The following EDF1 variants were observed in gnomAD, a reference collection of about 807,000 sequenced individuals.
EDF1 encodes the protein endothelial differentiation-related factor 1.
In EDF1, 5 loss-of-function variants were observed where a neutral mutation model predicts 20.8. The ratio of observed to expected loss-of-function variants is 0.24; its 90% CI spans 0.13 to 0.51. EDF1 has a LOEUF of 0.51. Ranked by LOEUF, EDF1 falls within the 20% of genes least tolerant of loss-of-function variation. The pLI, the probability that EDF1 is intolerant of heterozygous loss-of-function variation, is 0.97. For missense variants in EDF1, 137 were observed against 197.8 expected (o/e 0.69, Z 1.84); for synonymous variants, 96 against 78.5 (o/e 1.22, Z -1.18).
chr9:136,866,272 G>A lies in EDF1; in HGVS notation c.-14C>T, dbSNP rs370306947. ...GCTCTCGGCCATGGCGGGCGAAGAC[G>A]AGCGTCCGTCCGGCGGCTCAGCGGC... is the stretch of plus-strand genomic sequence containing the variant. On this transcript the variant is annotated 5_prime_UTR_variant, in exon 1 of 5. Coordinates refer to ENST00000224073, the MANE Select transcript of EDF1 (RefSeq NM_003792.4). The A allele has an allele frequency of 2.6e-5, 41 of 1,593,428 alleles. No individual in the cohort carries two copies. The highest frequency in any genetic ancestry group is 3.2e-5 in the Non-Finnish European group (38 of 1,173,634).
intron 1 of EDF1, among the ~76,000 whole-genome samples, chr9:136,865,708 C>G (rs1482502025): frequency 6.6e-6 from 1 of 151,542 alleles, no homozygotes; most frequent in Non-Finnish European, 1.5e-5. Flanking sequence ...GTTCCCAGTG[C>G]CCACCCTGGT....
Position 136,862,291 on chromosome 9 carries a change from G to A in EDF1, c.440C>T (p.Ala147Val), listed in dbSNP as rs746827500. Residue 147 changes from alanine to valine, a missense_variant, in exon 5 of 5, where the codon GCG becomes GTG. By Grantham distance (64) the Ala-to-Val change is moderately conservative. Coordinates refer to ENST00000224073, the MANE Select transcript of EDF1 (RefSeq NM_003792.4). The surrounding 1 kb of genome is among the most constrained non-coding windows in gnomAD (Gnocchi z 4.1). ...IGKPIEKGPR[A>V]K ...GATTTCGAGGCTTTGTGTTCATTTC[G>A]CCCTAGGCCCCTTCTCGATGGGCTT... is the stretch of plus-strand genomic sequence containing the variant. 45 of 1,613,746 alleles carry A rather than the reference G, an allele frequency of 2.8e-5. No homozygotes were observed. The highest frequency in any genetic ancestry group is 3.6e-5 in the Non-Finnish European group (43 of 1,179,986).
In EDF1 at chr9:136,862,119, C is replaced by T. The variant is rs557937527; in HGVS notation, c.*165G>A. 8 of 875,022 alleles carry T rather than the reference C, an allele frequency of 9.1e-6. No individual in the cohort carries two copies. Among genetic ancestry groups the T allele is most frequent in the Non-Finnish European group, 1.3e-5 (7 of 542,110 alleles). The allele number at this position is 875,022 out of a possible 1,614,324, so 54.2% of individuals were successfully genotyped here. A position where few individuals can be genotyped will look rare whatever the true frequency, so the allele number is the denominator to read the frequency against. On this transcript the variant is annotated 3_prime_UTR_variant, in exon 5 of 5. Transcript: ENST00000224073. The surrounding 1 kb of genome is among the most constrained non-coding windows in gnomAD (Gnocchi z 4.1). The stretch of plus-strand genomic sequence containing the variant: ...GAGAAAAACAGCCAGCAGAACCCAG[C>T]GCTTTGCAAGGTTTTGTTTGTTTGA...
chr9:136,865,893 T>C (rs1282790812), intron 1 of EDF1, among the ~76,000 whole-genome samples: 1 of 116,628 alleles, frequency 8.6e-6, no homozygotes, highest in South Asian at 3.0e-4. Flanking sequence ...TCCGGTTCCC[T>C]GCTCCTCTCC....
At chr9:136,866,071 C>A (rs1337187789) in intron 1 of EDF1, 110 bp downstream of exon 1, 9 of 1,148,158 alleles carry the variant, frequency 7.8e-6, no homozygotes, top group Non-Finnish European at 1.1e-5. Flanking sequence ...GTCCCCTGCG[C>A]CCTGTCCCAG....
At chr9:136,865,075 C>T (rs961474630) in intron 1 of EDF1, among the ~76,000 whole-genome samples, 2 of 152,142 alleles carry the variant, frequency 1.3e-5, no homozygotes, top group Admixed American at 6.5e-5. Context: ...TTTGACTGTG[C>T]AACCAGTAAG....
rs1172850211 is a variant in EDF1 at position 136,862,330 on chromosome 9, C to T, written c.401G>A (p.Gly134Glu). ...CTCGATGGGCTTTCCAATGTCCTTTCCCCGGAGCTTGAGGCCTGAAATGAG... is the reference window on the plus strand; with the variant it reads ...CTCGATGGGCTTTCCAATGTCCTTTTCCCGGAGCTTGAGGCCTGAAATGAG... ...IERAIGLKLR[G>E]KDIGKPIEKG... Residue 134 changes from glycine to glutamate, a missense_variant, in exon 5 of 5, where the codon GGA (glycine) becomes GAA (glutamate). Coordinates refer to ENST00000224073, the MANE Select transcript of EDF1 (RefSeq NM_003792.4). This position sits in a 1 kb window ranked among gnomAD's most constrained non-coding sequence, Gnocchi z 4.1. 2.5e-6 allele frequency: 4 copies of T among 1,614,040 alleles called. No homozygotes were observed. In the South Asian group the frequency reaches 3.3e-5, roughly 13 times the overall value.
intron 1 of EDF1, among the ~76,000 whole-genome samples, chr9:136,864,786 G>T (rs1028771301): frequency 6.6e-6 from 1 of 152,078 alleles, no homozygotes; most frequent in East Asian, 1.9e-4. Context: ...ACCGTGCCTG[G>T]CTAATTTTTT....
chr9:136,863,698 A>G lies in EDF1; in HGVS notation c.130+122T>C. ...ATGGCTGCCTCCCAGGGCTCCGGCC[A>G]GCACCGGTGCAGGCAGGCACTCAGC... On this transcript the variant is annotated intron_variant, in intron 2 of 4. Coordinates refer to ENST00000224073, the MANE Select transcript of EDF1 (RefSeq NM_003792.4). This position sits in a 1 kb window ranked among gnomAD's most constrained non-coding sequence, Gnocchi z 4.5. The G allele has an allele frequency of 7.8e-7, 1 of 1,284,460 alleles. No homozygotes were observed. Among genetic ancestry groups the G allele is most frequent in the Non-Finnish European group, 1.1e-6 (1 of 902,790 alleles). The allele number at this position is 1,284,460 out of a possible 1,614,324, so 79.6% of individuals were successfully genotyped here.
rs111382631 is a variant in EDF1, at chr9:136,862,433, G to A, written c.386-88C>T. On this transcript the variant is annotated intron_variant, in intron 4 of 4. Transcript: ENST00000224073. The surrounding 1 kb of genome is among the most constrained non-coding windows in gnomAD (Gnocchi z 4.1). ...CCTCTTCAACATCTTCCCAGGGAAGGGGGGCCACGCCGCTCCCGTGCCTCA... is the reference window on the plus strand; with the variant it reads ...CCTCTTCAACATCTTCCCAGGGAAGAGGGGCCACGCCGCTCCCGTGCCTCA... 6.1e-5 allele frequency: 99 copies of A among 1,613,710 alleles called. No homozygotes were observed. The African/African-American group carries it at 1.1e-3, about 18-fold the overall frequency.
rs997497025 is a variant in EDF1 at position 136,863,212 on chromosome 9, C to A, written c.291+76G>T. The A allele has an allele frequency of 1.9e-6, 3 of 1,565,646 alleles. No individual in the cohort carries two copies. Among genetic ancestry groups the A allele is most frequent in the Admixed American group, 1.7e-5 (1 of 58,206 alleles). On this transcript the variant is annotated intron_variant, in intron 3 of 4. Transcript: ENST00000224073. The surrounding 1 kb of genome is among the most constrained non-coding windows in gnomAD (Gnocchi z 4.5). The stretch of plus-strand genomic sequence containing the variant: ...ACCAGGGGGGTGGAGCCCACCCTCC[C>A]CGTGCTATCTGAACACCGGCCATCC...
chr9:136,865,086 G>C (rs1011786801), intron 1 of EDF1, among the ~76,000 whole-genome samples: 1 of 152,162 alleles, frequency 6.6e-6, no homozygotes, highest in Admixed American at 6.5e-5. Flanking sequence ...AACCAGTAAG[G>C]GTAGGGCAGA....
At chr9:136,864,424 G>C (rs1849174705) in intron 1 of EDF1, among the ~76,000 whole-genome samples, 1 of 151,814 alleles carries the variant, frequency 6.6e-6, no homozygotes, top group Non-Finnish European at 1.5e-5. Flanking sequence ...ATTTAGCACA[G>C]ATTTACTTTT....
rs1849142148 is a variant in EDF1 at position 136,863,144 on chromosome 9, G to C, written c.291+144C>G. 6.6e-7 allele frequency: 1 copy of C among 1,509,976 alleles called. No homozygotes were observed. Among genetic ancestry groups the C allele is most frequent in the South Asian group, 1.2e-5 (1 of 83,736 alleles). The allele number at this position is 1,509,976 out of a possible 1,614,324, so 93.5% of individuals were successfully genotyped here. On this transcript the variant is annotated intron_variant, in intron 3 of 4. Transcript: ENST00000224073. The surrounding 1 kb of genome is among the most constrained non-coding windows in gnomAD (Gnocchi z 4.5). ...CTGGGTTTTGTGCGAGAGGCAGTGA[G>C]AGCCGGGCTGACCTGGCTTCCCGAG...
At position 136,863,132 on chromosome 9, in the gene EDF1, G is replaced by A. The variant is rs920489315; in HGVS notation, c.292-133C>T. 4.2e-5 allele frequency: 63 copies of A among 1,499,412 alleles called. No individual in the cohort carries two copies. Among genetic ancestry groups the A allele is most frequent in the East Asian group, 4.6e-5 (2 of 43,854 alleles). The allele number at this position is 1,499,412 out of a possible 1,614,324, so 92.9% of individuals were successfully genotyped here. A position where few individuals can be genotyped will look rare whatever the true frequency, so the allele number is the denominator to read the frequency against. ...ACCCACACGCAGCTGGGTTTTGTGC[G>A]AGAGGCAGTGAGAGCCGGGCTGACC... On this transcript the variant is annotated intron_variant, in intron 3 of 4. Transcript: ENST00000224073. This position sits in a 1 kb window ranked among gnomAD's most constrained non-coding sequence, Gnocchi z 4.5.
At chr9:136,864,974 C>A (rs1191146521) in intron 1 of EDF1, among the ~76,000 whole-genome samples, 2 of 152,220 alleles carry the variant, frequency 1.3e-5, no homozygotes, top group African/African-American at 4.8e-5. Context: ...TAAGTGTGAT[C>A]TGCTCACAGA....
At position 136,862,131 on chromosome 9, in the gene EDF1, T is replaced by C. The variant is rs1264643166; in HGVS notation, c.*153A>G. Reference sequence around the variant, plus strand: ...CAGCAGAACCCAGCGCTTTGCAAGGTTTTGTTTGTTTGACAGCAGGAATGG... The same window carrying C: ...CAGCAGAACCCAGCGCTTTGCAAGGCTTTGTTTGTTTGACAGCAGGAATGG... On this transcript the variant is annotated 3_prime_UTR_variant, in exon 5 of 5. Coordinates refer to ENST00000224073, the MANE Select transcript of EDF1 (RefSeq NM_003792.4). The surrounding 1 kb of genome is among the most constrained non-coding windows in gnomAD (Gnocchi z 4.1). The C allele has an allele frequency of 3.1e-6, 3 of 979,596 alleles. No homozygotes were observed. Among genetic ancestry groups the C allele is most frequent in the Non-Finnish European group, 3.2e-6 (2 of 632,762 alleles). The allele number at this position is 979,596 out of a possible 1,614,324, so 60.7% of individuals were successfully genotyped here.
rs1031203657 is a variant in EDF1 at position 136,862,937 on chromosome 9, G to A, written c.354C>T (p.Asn118=). The stretch of plus-strand genomic sequence containing the variant: ...CCCGCTCGATTTTGCCAAGCACCTG[G>A]TTATTGGGTATGGCCCGTCCGCTCT... The part of the protein sequence containing the change: ...DYESGRAIPN[N]QVLGKIERAI... The change falls in exon 4 of 5, where the codon AAC becomes AAT. Residue 118 remains asparagine, a synonymous_variant. Transcript: ENST00000224073. This position sits in a 1 kb window ranked among gnomAD's most constrained non-coding sequence, Gnocchi z 4.1. 2.5e-6 allele frequency: 4 copies of A among 1,613,994 alleles called. No homozygotes were observed. Among genetic ancestry groups the A allele is most frequent in the East Asian group, 2.2e-5 (1 of 44,888 alleles).
chr9:136,866,072 C>T, intron 1 of EDF1, 109 bp downstream of exon 1: 1 of 1,161,820 alleles, frequency 8.6e-7, no homozygotes, highest in Non-Finnish European at 1.2e-6. Flanking sequence ...TCCCCTGCGC[C>T]CTGTCCCAGG....
Sources: allele counts gnomAD v4.1 joint callset (sites outside exome capture counted in the v4.1 genomes callset), GRCh38; gene constraint gnomAD v4.1.1; non-coding constraint Gnocchi (gnomAD v3.1); transcripts MANE v1.5; gene names NCBI Gene and HGNC (gene_info 2026-07-23, HGNC 2026-07-21).